LOC128092252: variants seen among roughly 807,000 people sequenced by gnomAD.
the LOC128092252 span, among the ~76,000 whole-genome samples, chr15:50,670,497 C>A: frequency 2.0e-5 from 3 of 152,194 alleles, no homozygotes; most frequent in African/African-American, 7.2e-5. Context: ...TCATTATATG[C>A]TAATTATAAT....
At chr15:50,652,486 T>A in the LOC128092252 span, among the ~76,000 whole-genome samples, 1 of 132,372 alleles carries the variant, frequency 7.6e-6, no homozygotes, top group Non-Finnish European at 1.6e-5. Flanking sequence ...GGAAAATAAA[T>A]CAACACTCCA....
the LOC128092252 span, among the ~76,000 whole-genome samples, chr15:50,661,210 C>T: frequency 0.03 from 4,503 of 152,094 alleles, 246 homozygotes; most frequent in African/African-American, 0.1. Flanking sequence ...CTCCTGACCT[C>T]GTGATCCGCC....
chr15:50,656,506 T>TC, the LOC128092252 span, among the ~76,000 whole-genome samples: 1 of 151,132 alleles, frequency 6.6e-6, no homozygotes, highest in Admixed American at 6.6e-5. Flanking sequence ...TTTCTTTTTT[T>TC]TTTTTTTTTG....
At chr15:50,665,152 C>T in the LOC128092252 span, among the ~76,000 whole-genome samples, 2 of 151,982 alleles carry the variant, frequency 1.3e-5, no homozygotes, top group Admixed American at 6.6e-5. Flanking sequence ...ACCTGCAATC[C>T]GAGTACTTTA....
At chr15:50,676,636 C>A in the LOC128092252 span, among the ~76,000 whole-genome samples, 1 of 151,880 alleles carries the variant, frequency 6.6e-6, no homozygotes, top group Non-Finnish European at 1.5e-5. Flanking sequence ...AGAAACCAGA[C>A]GGAGTCTATA....
the LOC128092252 span, among the ~76,000 whole-genome samples, chr15:50,685,750 A>G: frequency 6.6e-6 from 1 of 152,150 alleles, no homozygotes; most frequent in Non-Finnish European, 1.5e-5. Flanking sequence ...CAAAAATAAA[A>G]AGCTCTATCG....
chr15:50,649,773 T>A, the LOC128092252 span, among the ~76,000 whole-genome samples: 1 of 152,146 alleles, frequency 6.6e-6, no homozygotes, highest in African/African-American at 2.4e-5. Flanking sequence ...GATATAATCT[T>A]AAAAATCAGA....
chr15:50,679,192 C>T, the LOC128092252 span, among the ~76,000 whole-genome samples: 2 of 150,736 alleles, frequency 1.3e-5, no homozygotes, highest in African/African-American at 2.5e-5. Context: ...TTTAATTAGC[C>T]AGGTTGGTGG....
chr15:50,654,220 C>A, the LOC128092252 span, among the ~76,000 whole-genome samples: 5 of 151,606 alleles, frequency 3.3e-5, no homozygotes, highest in Non-Finnish European at 5.9e-5. Flanking sequence ...CCAAGGCGGG[C>A]GGATCACCTG....
the LOC128092252 span, among the ~76,000 whole-genome samples, chr15:50,678,935 G>A: frequency 0.03 from 4,596 of 152,216 alleles, 249 homozygotes; most frequent in African/African-American, 0.11. Flanking sequence ...GTGCAATGGC[G>A]TGATCTCAGC....
the LOC128092252 span, among the ~76,000 whole-genome samples, chr15:50,680,041 C>T: frequency 2.0e-5 from 3 of 151,972 alleles, no homozygotes; most frequent in African/African-American, 7.3e-5. Flanking sequence ...CGAGACCAGC[C>T]TGGTCAACAT....
chr15:50,663,893 G>A, the LOC128092252 span, among the ~76,000 whole-genome samples: 13 of 151,980 alleles, frequency 8.6e-5, no homozygotes, highest in African/African-American at 3.1e-4. Flanking sequence ...AGCCGAGGAG[G>A]CTGAGGATGC....
the LOC128092252 span, among the ~76,000 whole-genome samples, chr15:50,662,170 G>A: frequency 0.03 from 4,548 of 152,152 alleles, 245 homozygotes; most frequent in African/African-American, 0.1. Context: ...TGGCTAACAT[G>A]GTGAAACCCC....
the LOC128092252 span, among the ~76,000 whole-genome samples, chr15:50,665,225 C>T: frequency 6.6e-6 from 1 of 151,844 alleles, no homozygotes; most frequent in Non-Finnish European, 1.5e-5. Context: ...ATGGTGAAAC[C>T]CGTCTCTACT....
the LOC128092252 span, among the ~76,000 whole-genome samples, chr15:50,678,506 TAAAAA>T: frequency 1.2e-4 from 15 of 128,736 alleles, no homozygotes; most frequent in African/African-American, 4.5e-4. Context: ...TTCCATTCTT[TAAAAA>T]AAAAAAATAT....
chr15:50,672,351 C>T, the LOC128092252 span, among the ~76,000 whole-genome samples: 30 of 151,700 alleles, frequency 2.0e-4, no homozygotes, highest in Admixed American at 4.6e-4. Context: ...CCACCTCGCC[C>T]GGCCACTCCT....
chr15:50,677,784 C>A, the LOC128092252 span, among the ~76,000 whole-genome samples: 3 of 142,714 alleles, frequency 2.1e-5, no homozygotes, highest in African/African-American at 5.1e-5. Flanking sequence ...AGAGCCTCTA[C>A]TAAGTAACAA....
chr15:50,651,404 G>C, the LOC128092252 span, among the ~76,000 whole-genome samples: 2 of 152,074 alleles, frequency 1.3e-5, no homozygotes, highest in Non-Finnish European at 2.9e-5. Context: ...CCAGCACTTT[G>C]GGAAGCCGAG....
At chr15:50,657,757 G>A in the LOC128092252 span, 1 of 1,604,042 alleles carries the variant, frequency 6.2e-7, no homozygotes, top group Non-Finnish European at 8.5e-7. Context: ...CGAAATTTGT[G>A]CGGTATAGTT....
Sources: allele counts gnomAD v4.1 joint callset (sites outside exome capture counted in the v4.1 genomes callset), GRCh38; gene constraint gnomAD v4.1.1; transcripts MANE v1.5.